The following GRIN2A variants were observed in gnomAD, a reference collection of about 807,000 sequenced individuals.
The protein encoded by GRIN2A is glutamate receptor ionotropic, NMDA 2A.
Under a neutral mutation model 113.4 loss-of-function variants are expected in GRIN2A, and 22 were observed. The observed-to-expected ratio is 0.19, with a 90% CI of 0.14 to 0.28. The LOEUF is 0.28. GRIN2A is among the 10% of genes least tolerant of loss of function. GRIN2A has a pLI of 1.00. For synonymous variants in GRIN2A, 827 were observed against 738.4 expected (o/e 1.12, Z -1.94); for missense variants, 1,502 against 1,887.0 (o/e 0.80, Z 3.78).
chr16:9,767,991 G>A (rs1596381421), intron 12 of GRIN2A, among the ~76,000 whole-genome samples: 3 of 152,318 alleles, frequency 2.0e-5, no homozygotes, highest in Admixed American at 6.5e-5. Context: ...ATACCTGGGT[G>A]CTAGTGATGG....
chr16:9,865,199 G>A (rs1414608282), intron 4 of GRIN2A, among the ~76,000 whole-genome samples: 3 of 152,170 alleles, frequency 2.0e-5, no homozygotes, highest in African/African-American at 4.8e-5. Context: ...AGTTAAAAAC[G>A]TGATTATTCT....
intron 11 of GRIN2A, among the ~76,000 whole-genome samples, chr16:9,792,776 G>T (rs1344479209): frequency 6.6e-6 from 1 of 152,144 alleles, no homozygotes; most frequent in Non-Finnish European, 1.5e-5. Flanking sequence ...CAAAGAAGAA[G>T]ATTAAACGCT....
At chr16:10,084,723 T>C (rs2048051729) in intron 2 of GRIN2A, among the ~76,000 whole-genome samples, 1 of 141,752 alleles carries the variant, frequency 7.1e-6, no homozygotes, top group Non-Finnish European at 1.6e-5. Flanking sequence ...TTTTCATTCA[T>C]GTCTTAATCA....
chr16:10,145,513 TAA>T (rs34055110), intron 2 of GRIN2A, among the ~76,000 whole-genome samples: 46 of 150,108 alleles, frequency 3.1e-4, no homozygotes, highest in African/African-American at 9.7e-4. Context: ...CAGCTGTTTT[TAA>T]AAAAAAAAAA....
intron 2 of GRIN2A, among the ~76,000 whole-genome samples, chr16:10,069,920 A>G (rs9930396): frequency 0.096 from 14,623 of 152,214 alleles, 780 homozygotes; most frequent in African/African-American, 0.11. Context: ...CCTGGGAAGG[A>G]ACAGTTAAGG....
At chr16:9,965,994 G>A (rs1271439451) in intron 2 of GRIN2A, among the ~76,000 whole-genome samples, 1 of 152,110 alleles carries the variant, frequency 6.6e-6, no homozygotes, top group Admixed American at 6.5e-5. Flanking sequence ...ATAATCTTGG[G>A]ATCTTTTAAA....
chr16:10,014,146 G>C (rs1435751145), intron 2 of GRIN2A, among the ~76,000 whole-genome samples: 2 of 152,232 alleles, frequency 1.3e-5, no homozygotes, highest in Non-Finnish European at 2.9e-5. Flanking sequence ...TGAGTTGTGA[G>C]TGAATGTGTA....
chr16:9,892,173 G>A (rs150833455), intron 3 of GRIN2A, among the ~76,000 whole-genome samples: 451 of 152,320 alleles, frequency 3.0e-3, no homozygotes, highest in Middle Eastern at 0.01. Flanking sequence ...AGAAGTCACG[G>A]TGAGCCGAGA....
chr16:10,078,482 T>G (rs970061801), intron 2 of GRIN2A, among the ~76,000 whole-genome samples: 2 of 12,390 alleles, frequency 1.6e-4, no homozygotes, highest in African/African-American at 9.3e-5. Context: ...AAAAGCAGAG[T>G]CCAGGGGGGA....
At position 9,866,917 on chromosome 16, in the gene GRIN2A, C is replaced by A. The variant is rs146577074; in HGVS notation, c.1123-16956G>T. ...GGGAAATTCACTTAGAACTGCTTGA[C>A]TCAAATGACTCTGAATTCAGAAAAT... On this transcript the variant is annotated intron_variant, in intron 4 of 12. Coordinates refer to ENST00000330684, the MANE Select transcript of GRIN2A (RefSeq NM_001134407.3). 8.9e-3 allele frequency among the ~76,000 whole-genome samples: 1,358 copies of A among 152,284 alleles called. 20 individuals carry two copies. Among genetic ancestry groups the A allele is most frequent in the African/African-American group, 0.031 (1,277 of 41,556 alleles).
At chr16:10,169,702 A>G (rs1035789941) in intron 2 of GRIN2A, among the ~76,000 whole-genome samples, 5 of 152,208 alleles carry the variant, frequency 3.3e-5, no homozygotes, top group African/African-American at 1.2e-4. Context: ...GAGGCTCCTT[A>G]CTAAGCAAAA....
intron 2 of GRIN2A, among the ~76,000 whole-genome samples, chr16:10,154,871 A>C (rs941654370): frequency 6.6e-6 from 1 of 152,226 alleles, no homozygotes; most frequent in Non-Finnish European, 1.5e-5. Context: ...TTTAGCAATC[A>C]GGGCAATGGT....
intron 2 of GRIN2A, among the ~76,000 whole-genome samples, chr16:10,008,130 G>C (rs1355496138): frequency 6.6e-6 from 1 of 152,086 alleles, no homozygotes; most frequent in Non-Finnish European, 1.5e-5. Flanking sequence ...AGGAGGCAGG[G>C]AATGAAGGTA....
chr16:10,147,650 AAAGAAG>A (rs1237770213), intron 2 of GRIN2A, among the ~76,000 whole-genome samples: 11 of 145,132 alleles, frequency 7.6e-5, no homozygotes, highest in African/African-American at 2.8e-4. Context: ...AAAAAAAAAA[AAAGAAG>A]AAGAAGAAGA....
intron 5 of GRIN2A, among the ~76,000 whole-genome samples, chr16:9,844,373 G>C (rs2267793): frequency 6.6e-5 from 10 of 152,212 alleles, no homozygotes; most frequent in South Asian, 4.1e-4. Context: ...AAAAAGGCAC[G>C]CAGCAAAGGC....
At chr16:9,947,874 C>T (rs980427118) in intron 2 of GRIN2A, among the ~76,000 whole-genome samples, 4 of 152,028 alleles carry the variant, frequency 2.6e-5, no homozygotes, top group Non-Finnish European at 4.4e-5. Context: ...GAGCACATAC[C>T]GAGAGCTCCA....
intron 2 of GRIN2A, among the ~76,000 whole-genome samples, chr16:9,998,490 G>T (rs530155921): frequency 6.6e-6 from 1 of 152,316 alleles, no homozygotes; most frequent in South Asian, 2.1e-4. Flanking sequence ...GCACAACATT[G>T]TGAATGTACT....
chr16:9,790,630 C>T (rs918046428), intron 11 of GRIN2A, among the ~76,000 whole-genome samples: 1 of 152,104 alleles, frequency 6.6e-6, no homozygotes, highest in African/African-American at 2.4e-5. Context: ...GTGGTGAATA[C>T]AGAGGTAAGA....
intron 2 of GRIN2A, among the ~76,000 whole-genome samples, chr16:10,016,161 C>G (rs1471391895): frequency 2.7e-5 from 4 of 148,814 alleles, no homozygotes; most frequent in African/African-American, 9.9e-5. Flanking sequence ...ATGGCCTGAG[C>G]ACGGGAAACC....
Sources: gnomAD v4.1 joint callset for allele counts (sites outside exome capture counted in the v4.1 genomes callset) on GRCh38, gnomAD v4.1.1 for gene constraint, MANE v1.5 for transcripts, NCBI Gene and HGNC (gene_info 2026-07-23, HGNC 2026-07-21) for gene names.